The following CAST variants were observed in gnomAD, a reference collection of about 807,000 sequenced individuals.
The protein encoded by CAST is MIR583 host.
A neutral mutation model predicts 119.6 loss-of-function variants in CAST; 76 were observed. The ratio of observed to expected loss-of-function variants is 0.64; its 90% confidence interval spans 0.53 to 0.77. The LOEUF (loss-of-function observed/expected upper bound fraction) is 0.77, where lower values mean the gene tolerates loss of function less well. CAST is among the 30% of genes least tolerant of loss of function. CAST has a pLI of 0.00. For missense variants in CAST, 953 were observed against 946.5 expected (o/e 1.01, Z -0.09); for synonymous variants, 319 against 331.6 (o/e 0.96, Z 0.41).
chr5:96,339,068 ATG>A, the CAST span, among the ~76,000 whole-genome samples: 1 of 152,180 alleles, frequency 6.6e-6, no homozygotes, highest in Non-Finnish European at 1.5e-5. Context: ...ATTTCCTAAT[ATG>A]TGCTAACATA....
rs60552077 is a variant in CAST, at chr5:96,620,288, C to CTTTTT, written c.61-55240_61-55236dup. ...GATGCAGGTGAAGCCAGTTCTTTTT[C>CTTTTT]TTTTTTTTTTTTTTTGGTATTTAAT... On this transcript the variant is annotated intron_variant, in intron 1 of 11. Coordinates refer to the CAST transcript ENST00000505143. Among the ~76,000 whole-genome samples, 218 of 134,564 alleles carry CTTTTT rather than the reference C, an allele frequency of 1.6e-3. 2 individuals carry two copies. The highest frequency in any genetic ancestry group is 6.2e-3 in the East Asian group (28 of 4,498). 88.3% of individuals were successfully genotyped at this position (134,564 alleles called of 152,430 possible).
At chr5:96,536,056 TA>T (rs1745807545) in intron 1 of CAST, among the ~76,000 whole-genome samples, 1 of 59,774 alleles carries the variant, frequency 1.7e-5, no homozygotes, top group South Asian at 6.2e-4. Context: ...TTTTTTTTTT[TA>T]AAGAAAAAGG....
chr5:96,488,805 A>G, the CAST span, among the ~76,000 whole-genome samples: 1 of 149,924 alleles, frequency 6.7e-6, no homozygotes, highest in Admixed American at 6.7e-5. Flanking sequence ...AGAAAAGTTT[A>G]GTAAATTTAC....
At chr5:96,748,397 C>T in intron 18 of CAST, 121 bp from the exon 19 acceptor site, 1 of 452,460 alleles carries the variant, frequency 2.2e-6, no homozygotes, top group Non-Finnish European at 4.0e-6. Flanking sequence ...TATAAATTAG[C>T]TTTGGGTGTT....
At chr5:96,148,753 T>C in the CAST span, among the ~76,000 whole-genome samples, 1 of 152,246 alleles carries the variant, frequency 6.6e-6, no homozygotes, top group East Asian at 1.9e-4. Flanking sequence ...AATCAAGTTA[T>C]CTGATCCCTA....
At chr5:96,364,322 G>T in the CAST span, among the ~76,000 whole-genome samples, 11,722 of 152,076 alleles carry the variant, frequency 0.077, 1,538 homozygotes, top group African/African-American at 0.27. Context: ...GCCAGGCTTT[G>T]GTATCAGGAT....
At chr5:96,212,922 A>G in the CAST span, among the ~76,000 whole-genome samples, 18 of 152,194 alleles carry the variant, frequency 1.2e-4, no homozygotes, top group African/African-American at 4.1e-4. Context: ...ATTTGAGACC[A>G]GCCTGGGCAA....
At chr5:96,515,330 T>C in the CAST span, among the ~76,000 whole-genome samples, 9,068 of 149,302 alleles carry the variant, frequency 0.061, 749 homozygotes, top group East Asian at 0.3. Flanking sequence ...TTGTTTTTTG[T>C]GTCCTGTCCA....
chr5:96,522,106 ACT>A (rs1320800862), upstream of CAST, among the ~76,000 whole-genome samples: 1 of 148,658 alleles, frequency 6.7e-6, no homozygotes, highest in Admixed American at 6.7e-5. Context: ...ACAGAGCAAG[ACT>A]CTGTCTCAAA....
At chr5:96,384,830 A>G in the CAST span, among the ~76,000 whole-genome samples, 4 of 152,146 alleles carry the variant, frequency 2.6e-5, no homozygotes, top group African/African-American at 9.7e-5. Context: ...ATGCACCCCT[A>G]AAGAGTCTTA....
chr5:96,146,560 A>G, the CAST span, among the ~76,000 whole-genome samples: 9 of 152,272 alleles, frequency 5.9e-5, no homozygotes, highest in Non-Finnish European at 2.9e-5. Context: ...AGGACCAGGA[A>G]AAGTGAGAAC....
intron 29 of CAST, chr5:96,768,418 A>C (rs1254390774): frequency 2.2e-6 from 1 of 456,894 alleles, no homozygotes; most frequent in African/African-American, 2.0e-5. Context: ...GAATCAAACG[A>C]TGATATAGAG....
the CAST span, among the ~76,000 whole-genome samples, chr5:96,477,874 A>G: frequency 6.6e-6 from 1 of 152,202 alleles, no homozygotes; most frequent in African/African-American, 2.4e-5. Context: ...AACCTTGGTA[A>G]GAAGACACCT....
the CAST span, among the ~76,000 whole-genome samples, chr5:96,377,353 A>G: frequency 2.6e-5 from 4 of 152,302 alleles, no homozygotes; most frequent in South Asian, 2.1e-4. Context: ...TTCAATCACC[A>G]CTTGCTGATT....
At chr5:96,470,900 A>G in the CAST span, among the ~76,000 whole-genome samples, 1 of 152,140 alleles carries the variant, frequency 6.6e-6, no homozygotes, top group Non-Finnish European at 1.5e-5. Flanking sequence ...AATCTAATAT[A>G]CGCAGATGTT....
At chr5:96,220,348 T>TCAAGTA in the CAST span, among the ~76,000 whole-genome samples, 2 of 152,176 alleles carry the variant, frequency 1.3e-5, no homozygotes, top group South Asian at 4.1e-4. Flanking sequence ...AAAGACACCC[T>TCAAGTA]CAAGTACACT....
In CAST at chr5:96,736,178, G is replaced by T; in HGVS notation, c.637G>T (p.Glu213Ter). The change falls in exon 10 of 32, where the codon GAA (glutamate) becomes TAA (stop). Residue 213 changes from glutamate to a stop codon, truncating the protein, a stop_gained. Coordinates refer to ENST00000675179, the MANE Select transcript of CAST (RefSeq NM_001750.7). LOFTEE classifies it high-confidence loss of function. The stretch of plus-strand genomic sequence containing the variant: ...ATTTCTCAATTCTCACCAGAAAAAA[G>T]AAAAGAAATCATTAACCCCAGCTGT... ...ISGKPGDKKK[E>*]KKSLTPAVPV... 6.2e-7 allele frequency: 1 copy of T among 1,609,608 alleles called. No individual in the cohort carries two copies. Among genetic ancestry groups the T allele is most frequent in the African/African-American group, 1.3e-5 (1 of 74,840 alleles).
At chr5:96,142,685 C>G in the CAST span, among the ~76,000 whole-genome samples, 1 of 152,076 alleles carries the variant, frequency 6.6e-6, no homozygotes, top group Non-Finnish European at 1.5e-5. Context: ...TTAATCTACT[C>G]ACATGAGAAG....
At chr5:96,745,521 G>A (rs1013587593) in intron 16 of CAST, among the ~76,000 whole-genome samples, 4 of 152,178 alleles carry the variant, frequency 2.6e-5, no homozygotes, top group Admixed American at 1.3e-4. Flanking sequence ...GATGGGGGCC[G>A]TGGGTTGGGT....
Sources: gnomAD v4.1 joint callset for allele counts (sites outside exome capture counted in the v4.1 genomes callset) on GRCh38, gnomAD v4.1.1 for gene constraint, MANE v1.5 for transcripts, NCBI Gene and HGNC (gene_info 2026-07-23, HGNC 2026-07-21) for gene names.